FAM222B: variants seen among roughly 807,000 people sequenced by gnomAD.
FAM222B encodes family with sequence similarity 222 member B.
Under a neutral mutation model 38.0 loss-of-function variants are expected in FAM222B, and 12 were observed. The observed-to-expected ratio is 0.32, with a 90% CI of 0.20 to 0.51. FAM222B has a LOEUF of 0.51. Ranked by LOEUF, FAM222B falls within the 20% of genes least tolerant of loss-of-function variation. FAM222B has a pLI of 0.97. For synonymous variants in FAM222B, 329 were observed against 317.2 expected, an observed-to-expected ratio of 1.04 and a Z score of -0.40; for missense variants, 716 against 754.2, an observed-to-expected ratio of 0.95 and a Z score of 0.59.
At chr17:28,813,768 G>C (rs1156302494) in intron 1 of FAM222B, among the ~76,000 whole-genome samples, 1 of 150,412 alleles carries the variant, frequency 6.6e-6, no homozygotes, top group Non-Finnish European at 1.5e-5. Flanking sequence ...GGACGGTCTC[G>C]ATCTCCTGAC....
intron 1 of FAM222B, among the ~76,000 whole-genome samples, chr17:28,838,480 G>A (rs933343484): frequency 2.7e-5 from 4 of 150,400 alleles, no homozygotes; most frequent in Admixed American, 6.6e-5. Flanking sequence ...CTCAGGAGGC[G>A]GAGGCAGGAG....
chr17:28,766,554 C>T, intron 2 of FAM222B, 32 bp downstream of exon 2: 1 of 1,551,014 alleles, frequency 6.4e-7, no homozygotes, highest in Non-Finnish European at 8.8e-7. Context: ...AACAAAGAAT[C>T]ACACATGCTC....
intron 1 of FAM222B, among the ~76,000 whole-genome samples, chr17:28,770,076 CTGT>C (rs996884789): frequency 6.6e-6 from 1 of 152,174 alleles, no homozygotes; most frequent in African/African-American, 2.4e-5. Flanking sequence ...GTGGCCCTTC[CTGT>C]TGTTAACTCC....
rs564615715 is a variant in FAM222B at position 28,815,576 on chromosome 17, C to G, written c.-41+27106G>C. ...GTGCAGTGGCTCATGCCTGTAATCC[C>G]AGCACTTCGGGAGGTCAGGGTGGGT... is the stretch of plus-strand genomic sequence containing the variant. On this transcript the variant is annotated intron_variant, in intron 1 of 2. Transcript: ENST00000581407. Among the ~76,000 whole-genome samples, 3 of 152,264 alleles carry G rather than the reference C, an allele frequency of 2.0e-5. No homozygotes were observed. The South Asian group carries it at 6.2e-4, about 32-fold the overall frequency.
At chr17:28,776,452 C>CTTTT (rs397857136) in intron 1 of FAM222B, among the ~76,000 whole-genome samples, 33 of 90,982 alleles carry the variant, frequency 3.6e-4, no homozygotes, top group African/African-American at 6.1e-4. Context: ...CCTAAAAAGA[C>CTTTT]TTTTTTTTTT....
intron 1 of FAM222B, among the ~76,000 whole-genome samples, chr17:28,829,489 T>C (rs1432780031): frequency 6.6e-6 from 1 of 152,118 alleles, no homozygotes; most frequent in African/African-American, 2.4e-5. Flanking sequence ...TCTCTAGTCT[T>C]ACCCAAAGGC....
chr17:28,769,188 T>TC (rs2035493109), intron 1 of FAM222B, among the ~76,000 whole-genome samples: 2 of 143,452 alleles, frequency 1.4e-5, no homozygotes, highest in Non-Finnish European at 3.1e-5. Context: ...TTTTTTTTTT[T>TC]TTTTTTTTTG....
intron 1 of FAM222B, among the ~76,000 whole-genome samples, chr17:28,768,298 C>T (rs2035438966): frequency 6.6e-6 from 1 of 152,194 alleles, no homozygotes. Flanking sequence ...GTATATTAAA[C>T]TACCTTGTCA....
At position 28,758,602 on chromosome 17, in the gene FAM222B, G is replaced by A. The variant is rs1265165286; in HGVS notation, c.1357C>T (p.Leu453=). ...GGAGTGGGCAGAATGTTGTTCCACA[G>A]GGGTTGGAAGTAGTGACCATTGGGG... ...AYPNGHYFQP[L]WNNILPTPNS... The change falls in exon 3 of 3, where the codon CTG becomes TTG. Residue 453 remains leucine, a synonymous_variant. Transcript: ENST00000581407. The A allele has an allele frequency of 1.9e-6, 3 of 1,611,066 alleles. No individual in the cohort carries two copies. In the African/African-American group the frequency reaches 4.0e-5, roughly 21 times the overall value.
chr17:28,848,184 TTA>T (rs1348243003), intron 1 of FAM222B, among the ~76,000 whole-genome samples: 3 of 152,120 alleles, frequency 2.0e-5, no homozygotes, highest in Non-Finnish European at 4.4e-5. Context: ...GCTCCAGATA[TTA>T]TGTCTTCTTA....
rs569733101 is a variant in FAM222B, at chr17:28,806,691, G to A, written c.-41+35991C>T. On this transcript the variant is annotated intron_variant, in intron 1 of 2. Coordinates refer to ENST00000581407, the MANE Select transcript of FAM222B (RefSeq NM_001077498.3). The stretch of plus-strand genomic sequence containing the variant: ...ACCTCATCTTGAGCATTCTTCTTTT[G>A]ATTAATAATAGCATACTGGTGTTTG... Among the ~76,000 whole-genome samples the A allele has an allele frequency of 3.6e-4, 54 of 152,006 alleles. 1 individual carries two copies. The South Asian group carries it at 0.01, about 28-fold the overall frequency.
intron 1 of FAM222B, among the ~76,000 whole-genome samples, chr17:28,851,393 G>T (rs1427335784): frequency 1.5e-4 from 23 of 151,806 alleles, no homozygotes; most frequent in Admixed American, 1.5e-3. Flanking sequence ...AATTAGCCGG[G>T]CGTGGTGGCA....
At chr17:28,762,349 TG>T (rs2035116208) in intron 2 of FAM222B, among the ~76,000 whole-genome samples, 3 of 152,122 alleles carry the variant, frequency 2.0e-5, no homozygotes, top group Admixed American at 2.0e-4. Context: ...AGTTTTCTGC[TG>T]GGCGCAGTGG....
In FAM222B at chr17:28,764,373, C is replaced by T. The variant is rs531463128; in HGVS notation, c.82+2213G>A. On this transcript the variant is annotated intron_variant, in intron 2 of 2. Transcript: ENST00000581407. ...GGGAGAATCACTTGAACTTGGGAGG[C>T]GGAGGTTGCAGTGAGCCGAGATCGT... is the stretch of plus-strand genomic sequence containing the variant. Among the ~76,000 whole-genome samples, 530 of 150,690 alleles carry T rather than the reference C, an allele frequency of 3.5e-3. 3 individuals carry two copies. Among genetic ancestry groups the T allele is most frequent in the South Asian group, 7.4e-3 (35 of 4,746 alleles).
intron 2 of FAM222B, among the ~76,000 whole-genome samples, chr17:28,761,146 A>G (rs2035054070): frequency 6.6e-6 from 1 of 152,220 alleles, no homozygotes; most frequent in Non-Finnish European, 1.5e-5. Context: ...GTGCCTCATT[A>G]ATGTTAACAG....
intron 1 of FAM222B, among the ~76,000 whole-genome samples, chr17:28,767,289 G>A (rs1030992109): frequency 1.3e-5 from 2 of 152,058 alleles, no homozygotes; most frequent in African/African-American, 2.4e-5. Flanking sequence ...CCGAGTAGCT[G>A]GGATTAAAGG....
At chr17:28,788,851 C>A (rs2036534919) in intron 1 of FAM222B, among the ~76,000 whole-genome samples, 1 of 151,988 alleles carries the variant, frequency 6.6e-6, no homozygotes, top group East Asian at 1.9e-4. Context: ...AAACAATTCT[C>A]CTGCCTCAGC....
At chr17:28,760,161 T>A (rs1323589375) in intron 2 of FAM222B, among the ~76,000 whole-genome samples, 1 of 152,216 alleles carries the variant, frequency 6.6e-6, no homozygotes, top group Admixed American at 6.5e-5. Context: ...ATCATTTACA[T>A]TTTATAAATG....
At chr17:28,832,033 CA>C (rs536052659) in intron 1 of FAM222B, among the ~76,000 whole-genome samples, 40 of 151,796 alleles carry the variant, frequency 2.6e-4, no homozygotes, top group African/African-American at 7.0e-4. Flanking sequence ...ACTAAAAATA[CA>C]AAAAAATTAG....
Sources: allele counts gnomAD v4.1 joint callset (sites outside exome capture counted in the v4.1 genomes callset), GRCh38; gene constraint gnomAD v4.1.1; transcripts MANE v1.5; gene names NCBI Gene and HGNC (gene_info 2026-07-23, HGNC 2026-07-21).